Variants in RPH3A observed in about 807,000 individuals in gnomAD.
RPH3A encodes the protein rabphilin-3A.
A neutral mutation model predicts 102.2 loss-of-function variants in RPH3A; 48 were observed. The observed-to-expected ratio is 0.47, with a 90% CI of 0.37 to 0.60. The LOEUF (loss-of-function observed/expected upper bound fraction) is 0.60, where lower values mean the gene tolerates loss of function less well. Ranked by LOEUF, RPH3A falls within the 20% of genes least tolerant of loss-of-function variation. The probability of loss-of-function intolerance (pLI) is 0.00; values close to 1 mark genes in which losing one functional copy is unlikely to be tolerated. For synonymous variants in RPH3A, 310 were observed against 324.3 expected, an observed-to-expected ratio of 0.96 and a Z score of 0.47; for missense variants, 781 against 910.1, an observed-to-expected ratio of 0.86 and a Z score of 1.83.
chr12:112,775,698 A>T (rs2040961191), intron 1 of RPH3A, among the ~76,000 whole-genome samples: 1 of 152,188 alleles, frequency 6.6e-6, no homozygotes, highest in African/African-American at 2.4e-5. Flanking sequence ...AAATCAGATG[A>T]CAGAATGAAC....
At chr12:112,790,798 A>C (rs2041090906), upstream of RPH3A, among the ~76,000 whole-genome samples, 2 of 152,186 alleles carry the variant, frequency 1.3e-5, no homozygotes. Flanking sequence ...ATTTCCCTTC[A>C]TTCTACTCAA....
At chr12:112,873,068 C>T (rs2042733958) in intron 10 of RPH3A, among the ~76,000 whole-genome samples, 1 of 152,166 alleles carries the variant, frequency 6.6e-6, no homozygotes, top group Admixed American at 6.5e-5. Context: ...TTATCTCTTG[C>T]TCATCATTTT....
Position 112,680,787 on chromosome 12 carries a change from A to G in RPH3A, c.-140+105468A>G, listed in dbSNP as rs182405577. Among the ~76,000 whole-genome samples the G allele has an allele frequency of 1.6e-3, 240 of 151,884 alleles. 2 individuals are homozygous for G. Among genetic ancestry groups the G allele is most frequent in the African/African-American group, 5.6e-3 (230 of 41,382 alleles). ...ATTTTGCCTGTCTCCCACAACATTC[A>G]TCTCTTTCCCTGGTTCAGTTAGCAT... On this transcript the variant is annotated intron_variant, in intron 1 of 21. Coordinates refer to the RPH3A transcript ENST00000543106.
At chr12:112,805,566 A>T (rs1262108234) in intron 2 of RPH3A, among the ~76,000 whole-genome samples, 1 of 152,178 alleles carries the variant, frequency 6.6e-6, no homozygotes, top group Non-Finnish European at 1.5e-5. Flanking sequence ...CCAGTTAGCT[A>T]GGTCATCCTT....
At chr12:112,856,043 C>T (rs922510381) in intron 5 of RPH3A, among the ~76,000 whole-genome samples, 1 of 152,196 alleles carries the variant, frequency 6.6e-6, no homozygotes, top group African/African-American at 2.4e-5. Context: ...CTTCTAAAGG[C>T]AGCTGCTCTG....
intron 1 of RPH3A, among the ~76,000 whole-genome samples, chr12:112,629,008 T>C (rs2039785205): frequency 6.6e-6 from 1 of 152,150 alleles, no homozygotes; most frequent in East Asian, 1.9e-4. Context: ...TTTGCCCCAA[T>C]GTCTCACACT....
chr12:112,583,470 C>T (rs1359339919), intron 1 of RPH3A, among the ~76,000 whole-genome samples: 1 of 151,832 alleles, frequency 6.6e-6, no homozygotes, highest in Non-Finnish European at 1.5e-5. Flanking sequence ...TATTTGCTCT[C>T]CTAGAAACAT....
chr12:112,642,204 CT>C (rs2135992105), intron 1 of RPH3A, among the ~76,000 whole-genome samples: 1 of 152,304 alleles, frequency 6.6e-6, no homozygotes, highest in South Asian at 2.1e-4. Context: ...TTCATGCCTA[CT>C]GTGTGCCTGA....
Position 112,883,325 on chromosome 12 carries a change from T to C in RPH3A, c.1359T>C (p.Asn453=), listed in dbSNP as rs1394665826. ...SNKLRTKTLR[N]TRNPIWNETL... ...AGCTTCGTACAAAAACTCTGCGGAATACCCGGAACCCCATCTGGAATGAGA... is the reference window on the plus strand; with the variant it reads ...AGCTTCGTACAAAAACTCTGCGGAACACCCGGAACCCCATCTGGAATGAGA... Residue 453 remains asparagine (N), a synonymous_variant, in exon 16 of 22, where the codon AAT becomes AAC. Transcript: ENST00000389385. 2 of 1,614,146 alleles carry C rather than the reference T, an allele frequency of 1.2e-6. No individual in the cohort carries two copies. Among genetic ancestry groups the C allele is most frequent in the Non-Finnish European group, 8.5e-7 (1 of 1,180,020 alleles).
At chr12:112,726,952 G>A (rs2040594779) in intron 1 of RPH3A, among the ~76,000 whole-genome samples, 1 of 152,114 alleles carries the variant, frequency 6.6e-6, no homozygotes, top group Non-Finnish European at 1.5e-5. Context: ...GCACCCGGGA[G>A]GCAGAGGTTG....
At chr12:112,863,470 A>G (rs2042555592) in intron 5 of RPH3A, among the ~76,000 whole-genome samples, 1 of 152,154 alleles carries the variant, frequency 6.6e-6, no homozygotes. Flanking sequence ...GATGCACACC[A>G]CCAGGCCCAG....
At chr12:112,768,627 A>C (rs1380584514) in intron 1 of RPH3A, among the ~76,000 whole-genome samples, 1 of 152,222 alleles carries the variant, frequency 6.6e-6, no homozygotes, top group Non-Finnish European at 1.5e-5. Context: ...TATTTAAAAT[A>C]GAGGGCTGGA....
chr12:112,619,719 T>A (rs367635221), intron 1 of RPH3A, among the ~76,000 whole-genome samples: 29 of 152,350 alleles, frequency 1.9e-4, no homozygotes, highest in African/African-American at 6.7e-4. Flanking sequence ...GTCTTTTTTT[T>A]TGATTATAGA....
chr12:112,798,597 G>A (rs1456495952), intron 2 of RPH3A, among the ~76,000 whole-genome samples: 1 of 152,162 alleles, frequency 6.6e-6, no homozygotes, highest in Admixed American at 6.5e-5. Flanking sequence ...TTTCATGCAA[G>A]GTGCTGCCAA....
intron 1 of RPH3A, among the ~76,000 whole-genome samples, chr12:112,579,391 T>G (rs2039380869): frequency 6.6e-6 from 1 of 152,172 alleles, no homozygotes; most frequent in Non-Finnish European, 1.5e-5. Context: ...TTTCTCAGAA[T>G]TAATCTGTGG....
intron 1 of RPH3A, among the ~76,000 whole-genome samples, chr12:112,734,102 C>A (rs1565864626): frequency 6.6e-6 from 1 of 152,162 alleles, no homozygotes; most frequent in Non-Finnish European, 1.5e-5. Context: ...CAGTCATGAG[C>A]TGCATAATGA....
intron 1 of RPH3A, among the ~76,000 whole-genome samples, chr12:112,724,124 G>A (rs2040570711): frequency 7.0e-6 from 1 of 142,566 alleles, no homozygotes; most frequent in Non-Finnish European, 1.5e-5. Flanking sequence ...TGGTGCAATC[G>A]TGGCTCACTG....
intron 1 of RPH3A, among the ~76,000 whole-genome samples, chr12:112,658,658 A>G (rs1003202805): frequency 6.6e-5 from 10 of 152,236 alleles, no homozygotes; most frequent in Admixed American, 5.2e-4. Flanking sequence ...GATGCTGGAC[A>G]TATTTTGCAG....
In RPH3A at chr12:112,879,217, G is replaced by A; in HGVS notation, c.1251+19G>A. On this transcript the variant is annotated intron_variant, in intron 14 of 21. Coordinates refer to ENST00000389385, the MANE Select transcript of RPH3A (RefSeq NM_001143854.2). ...GGCCAAGGTGGGTGATGGGGACCAT[G>A]CAGGGAACCTCTCAGGATGCTCTGG... The A allele has an allele frequency of 6.2e-7, 1 of 1,606,336 alleles. No homozygotes were observed. The highest frequency in any genetic ancestry group is 8.5e-7 in the Non-Finnish European group (1 of 1,173,908).
Sources: gnomAD v4.1 joint callset for allele counts (sites outside exome capture counted in the v4.1 genomes callset) on GRCh38, gnomAD v4.1.1 for gene constraint, MANE v1.5 for transcripts, NCBI Gene and HGNC (gene_info 2026-07-23, HGNC 2026-07-21) for gene names.